CC2D2A: variants seen among roughly 807,000 people sequenced by gnomAD.
CC2D2A encodes the protein coiled-coil and C2 domain-containing protein 2A.
Under a neutral mutation model 212.9 loss-of-function variants are expected in CC2D2A, and 155 were observed. The observed-to-expected ratio is 0.73, with a 90% CI of 0.64 to 0.83. The LOEUF is 0.83. Ranked by LOEUF, CC2D2A falls within the 40% of genes least tolerant of loss-of-function variation. CC2D2A has a pLI of 0.00. For missense variants in CC2D2A, 1,856 were observed against 1,956.2 expected, an observed-to-expected ratio of 0.95 and a Z score of 0.97; for synonymous variants, 667 against 686.5, an observed-to-expected ratio of 0.97 and a Z score of 0.44.
chr4:15,472,850 CA>C (rs1488489628), intron 1 of CC2D2A, among the ~76,000 whole-genome samples: 4 of 152,174 alleles, frequency 2.6e-5, no homozygotes, highest in Non-Finnish European at 5.9e-5. Context: ...AATAGAATTT[CA>C]GATGCTTTAT....
chr4:15,476,388 T>C (rs1431242793), intron 2 of CC2D2A, among the ~76,000 whole-genome samples: 1 of 152,266 alleles, frequency 6.6e-6, no homozygotes, highest in Non-Finnish European at 1.5e-5. Context: ...TAGGCTTTCA[T>C]TTAGTTTACT....
At chr4:15,575,979 C>G (rs902141582) in intron 29 of CC2D2A, among the ~76,000 whole-genome samples, 2 of 152,198 alleles carry the variant, frequency 1.3e-5, no homozygotes, top group Non-Finnish European at 2.9e-5. Flanking sequence ...GCATCCCTCA[C>G]GGGCCCTGAC....
chr4:15,526,638 T>A (rs1473440659), intron 11 of CC2D2A, among the ~76,000 whole-genome samples: 1 of 152,220 alleles, frequency 6.6e-6, no homozygotes, highest in Non-Finnish European at 1.5e-5. Flanking sequence ...AAAGGAAGGA[T>A]CAAGTGATGT....
At chr4:15,556,045 T>G (rs1473231519) in intron 20 of CC2D2A, among the ~76,000 whole-genome samples, 1 of 152,250 alleles carries the variant, frequency 6.6e-6, no homozygotes, top group Non-Finnish European at 1.5e-5. Flanking sequence ...AGGTTTCACT[T>G]AAGTATTTAC....
intron 35 of CC2D2A, 106 bp from the exon 36 acceptor site, chr4:15,599,423 A>C: frequency 2.8e-6 from 2 of 709,236 alleles, no homozygotes; most frequent in Non-Finnish European, 4.5e-6. Context: ...CTCCATCAAC[A>C]AAAATATAGT....
intron 20 of CC2D2A, among the ~76,000 whole-genome samples, chr4:15,555,574 G>T (rs1719236798): frequency 1.3e-5 from 2 of 152,076 alleles, no homozygotes; most frequent in Non-Finnish European, 2.9e-5. Context: ...CCCTATCTCT[G>T]CAAAAAATGT....
chr4:15,502,964 A>C, intron 6 of CC2D2A, 41 bp downstream of exon 6: 1 of 1,483,108 alleles, frequency 6.7e-7, no homozygotes. Context: ...AAACCAGTAA[A>C]GCAGAATATA....
chr4:15,528,595 A>C (rs776878318), intron 12 of CC2D2A, 25 bp from the exon 13 acceptor site: 2 of 1,605,174 alleles, frequency 1.2e-6, no homozygotes, highest in Admixed American at 1.7e-5. Flanking sequence ...TTGTAACCCA[A>C]AACTTGTATC....
In CC2D2A at chr4:15,553,221, T is replaced by A; in HGVS notation, c.2402T>A (p.Val801Glu). 1 of 1,612,416 alleles carries A rather than the reference T, an allele frequency of 6.2e-7. No individual in the cohort carries two copies. Among genetic ancestry groups the A allele is most frequent in the Non-Finnish European group, 8.5e-7 (1 of 1,179,338 alleles). Reference protein sequence around the residue: ...NQLTLMTSGKVSHSVAWAIGE... With the variant: ...NQLTLMTSGKESHSVAWAIGE... ...CTGACTCTGATGACCTCAGGGAAAG[T>A]GTCTCATAGTGTGGCATGGGCCATT... Residue 801 changes from valine (V) to glutamate (E), a missense_variant, in exon 19 of 37, where the codon GTG (valine) becomes GAG (glutamate). Physicochemically the swap from Val to Glu is moderately radical, Grantham distance 121. Around this residue, in one of 5 missense-constraint regions of CC2D2A, gnomAD observed 1,512 missense variants for 1,579.3 expected, o/e 0.96. Coordinates refer to ENST00000424120, the MANE Select transcript of CC2D2A (RefSeq NM_001378615.1).
chr4:15,499,838 A>G (rs1715821790), intron 4 of CC2D2A, among the ~76,000 whole-genome samples: 1 of 152,048 alleles, frequency 6.6e-6, no homozygotes, highest in African/African-American at 2.4e-5. Context: ...TCAGTCTAGA[A>G]GCCCCTGTTA....
At chr4:15,540,629 T>C (rs1223851211) in intron 16 of CC2D2A, among the ~76,000 whole-genome samples, 1 of 152,230 alleles carries the variant, frequency 6.6e-6, no homozygotes, top group Non-Finnish European at 1.5e-5. Context: ...TTAAATCCTC[T>C]GTGCCCTTTT....
At chr4:15,492,597 G>A in intron 4 of CC2D2A, 1 of 410,750 alleles carries the variant, frequency 2.4e-6, no homozygotes, top group Non-Finnish European at 4.7e-6. Context: ...CAGGGGGTCT[G>A]CATGGAAATT....
rs1720848536 is a variant in CC2D2A at position 15,586,180 on chromosome 4, C to A, written c.3999C>A (p.Ser1333=). The change falls in exon 31 of 37, where the codon TCC becomes TCA. Residue 1333 remains serine (S), a synonymous_variant. Coordinates refer to ENST00000424120, the MANE Select transcript of CC2D2A (RefSeq NM_001378615.1). ...AGGAACTGGTGGCTCGATATGTGTCCTTGATTCCCTTCTTGCCTGACACTG... is the reference window on the plus strand; with the variant it reads ...AGGAACTGGTGGCTCGATATGTGTCATTGATTCCCTTCTTGCCTGACACTG... ...ATAELVARYV[S]LIPFLPDTVS... is the part of the protein sequence containing the mutation. The A allele has an allele frequency of 6.2e-7, 1 of 1,609,994 alleles. No individual in the cohort carries two copies. Among genetic ancestry groups the A allele is most frequent in the Non-Finnish European group, 8.5e-7 (1 of 1,177,434 alleles).
rs1357609041 is a variant in CC2D2A at position 15,580,086 on chromosome 4, C to G, written c.3890C>G (p.Thr1297Ser). 7 of 1,613,926 alleles carry G rather than the reference C, an allele frequency of 4.3e-6. No homozygotes were observed. The highest frequency in any genetic ancestry group is 5.9e-6 in the Non-Finnish European group (7 of 1,179,866). Reference protein sequence around the residue: ...LTTVIDISGKTVFITRYLKPL... With the variant: ...LTTVIDISGKSVFITRYLKPL... ...ACAGTAATTGATATAAGCGGAAAAACTGTTTTTATCACACGTTATCTCAAA... is the reference window on the plus strand; with the variant it reads ...ACAGTAATTGATATAAGCGGAAAAAGTGTTTTTATCACACGTTATCTCAAA... Residue 1297 changes from threonine (T) to serine (S), a missense_variant, in exon 30 of 37, where the codon ACT (threonine) becomes AGT (serine). Thr to Ser is a moderately conservative substitution (Grantham distance 58). Coordinates refer to ENST00000424120, the MANE Select transcript of CC2D2A (RefSeq NM_001378615.1).
At position 15,569,291 on chromosome 4, in the gene CC2D2A, A is replaced by C. The variant is rs1297922141; in HGVS notation, c.3399-2A>C. Reference sequence around the variant, plus strand: ...AGTCCCTGGTCATGTGCTGTCTTGCAGGGCTCCTAATGGAGATTATAGCAC... The same window carrying C: ...AGTCCCTGGTCATGTGCTGTCTTGCCGGGCTCCTAATGGAGATTATAGCAC... On this transcript the variant is annotated splice_acceptor_variant, in intron 26 of 36. Coordinates refer to ENST00000424120, the MANE Select transcript of CC2D2A (RefSeq NM_001378615.1). LOFTEE classifies it high-confidence loss of function. The C allele has an allele frequency of 6.4e-7, 1 of 1,558,900 alleles. No homozygotes were observed. Among genetic ancestry groups the C allele is most frequent in the East Asian group, 2.3e-5 (1 of 43,194 alleles).
At chr4:15,532,428 T>C (rs1717894297) in intron 13 of CC2D2A, among the ~76,000 whole-genome samples, 1 of 152,224 alleles carries the variant, frequency 6.6e-6, no homozygotes, top group South Asian at 2.1e-4. Context: ...TGGTTCCTCA[T>C]GATACTTTCT....
chr4:15,550,575 T>C lies in CC2D2A; in HGVS notation c.2182-249T>C, dbSNP rs2041671. Among the ~76,000 whole-genome samples the C allele has an allele frequency of 0.28, 42,052 of 152,132 alleles. 6,036 individuals are homozygous for C. The highest frequency in any genetic ancestry group is 0.47 in the East Asian group (2,409 of 5,176). ...AAAACAATTATCCTCGCCTGCTACT[T>C]TGATTAGCCTCCCTACCCAGAAGAT... is the stretch of plus-strand genomic sequence containing the variant. On this transcript the variant is annotated intron_variant, in intron 17 of 36. Transcript: ENST00000424120.
chr4:15,564,535 G>A (rs1476214809), intron 24 of CC2D2A, among the ~76,000 whole-genome samples: 1 of 152,218 alleles, frequency 6.6e-6, no homozygotes, highest in African/African-American at 2.4e-5. Flanking sequence ...GAAGTAAAGA[G>A]AGTATAAGTG....
chr4:15,573,099 G>GA (rs1214831913), intron 28 of CC2D2A, among the ~76,000 whole-genome samples: 6 of 147,436 alleles, frequency 4.1e-5, no homozygotes, highest in African/African-American at 1.3e-4. Context: ...CACACTCACA[G>GA]ACACACCCAG....
Sources: gnomAD v4.1 joint callset for allele counts (sites outside exome capture counted in the v4.1 genomes callset) on GRCh38, gnomAD v4.1.1 for gene constraint, gnomAD v4.1.1 regional missense constraint, MANE v1.5 for transcripts, NCBI Gene and HGNC (gene_info 2026-07-23, HGNC 2026-07-21) for gene names.